GPR158: variants seen among roughly 807,000 people sequenced by gnomAD.
GPR158 encodes the protein G protein-coupled receptor 158, also known as metabotropic glycine receptor.
A neutral mutation model predicts 78.2 loss-of-function variants in GPR158; 30 were observed. The ratio of observed to expected loss-of-function variants is 0.38; its 90% confidence interval spans 0.29 to 0.52. GPR158 has a LOEUF of 0.52. Ranked by LOEUF, GPR158 falls within the 20% of genes least tolerant of loss-of-function variation. The pLI, the probability that GPR158 is intolerant of heterozygous loss-of-function variation, is 0.83. For missense variants in GPR158, 1,463 were observed against 1,523.5 expected, an observed-to-expected ratio of 0.96 and a Z score of 0.66; for synonymous variants, 581 against 591.1, an observed-to-expected ratio of 0.98 and a Z score of 0.25.
chr10:25,550,279 T>C (rs746050536), intron 5 of GPR158, among the ~76,000 whole-genome samples: 19 of 152,194 alleles, frequency 1.2e-4, no homozygotes, highest in Admixed American at 5.9e-4. Context: ...CAGCAGCACC[T>C]AGCACAGTGC....
chr10:25,348,906 C>G (rs562579103), intron 2 of GPR158, among the ~76,000 whole-genome samples: 29 of 152,054 alleles, frequency 1.9e-4, no homozygotes, highest in African/African-American at 7.0e-4. Flanking sequence ...TACTTTGGAG[C>G]CTAAAGAAAA....
intron 5 of GPR158, among the ~76,000 whole-genome samples, chr10:25,497,063 T>C (rs894040519): frequency 6.6e-6 from 1 of 152,102 alleles, no homozygotes; most frequent in Non-Finnish European, 1.5e-5. Context: ...TAAAATGGTG[T>C]GCATTAAGAG....
At chr10:25,316,948 T>TAC (rs1042162042) in intron 2 of GPR158, among the ~76,000 whole-genome samples, 16 of 150,840 alleles carry the variant, frequency 1.1e-4, no homozygotes, top group East Asian at 1.9e-4. Context: ...TATATATATA[T>TAC]ACACTCTTCC....
chr10:25,236,527 A>T (rs895222093), intron 2 of GPR158, among the ~76,000 whole-genome samples: 7 of 152,196 alleles, frequency 4.6e-5, no homozygotes, highest in Admixed American at 2.0e-4. Flanking sequence ...AAAAAATAAA[A>T]AAATAAATTT....
intron 2 of GPR158, among the ~76,000 whole-genome samples, chr10:25,387,186 G>A (rs555334251): frequency 6.6e-6 from 1 of 152,026 alleles, no homozygotes; most frequent in Admixed American, 6.6e-5. Flanking sequence ...ATCATAAAAG[G>A]GTGTTGCATT....
At chr10:25,396,500 T>A (rs1354792623) in intron 3 of GPR158, among the ~76,000 whole-genome samples, 1 of 152,092 alleles carries the variant, frequency 6.6e-6, no homozygotes, top group Non-Finnish European at 1.5e-5. Context: ...GTTTCACCAC[T>A]CTAAAATCAA....
intron 2 of GPR158, among the ~76,000 whole-genome samples, chr10:25,225,205 A>G (rs1188524719): frequency 7.7e-6 from 1 of 130,562 alleles, no homozygotes; most frequent in Non-Finnish European, 1.5e-5. Flanking sequence ...TTTTGTATAA[A>G]GCAATGTATA....
intron 6 of GPR158, 131 bp from the exon 7 acceptor site, chr10:25,572,518 T>C: frequency 1.4e-6 from 1 of 721,590 alleles, no homozygotes; most frequent in Non-Finnish European, 2.5e-6. Context: ...CAAAAACAAA[T>C]ACAAAACAAA....
chr10:25,486,301 G>A (rs1202779124), intron 5 of GPR158, among the ~76,000 whole-genome samples: 3 of 152,134 alleles, frequency 2.0e-5, no homozygotes, highest in South Asian at 4.2e-4. Context: ...TTACTTATCT[G>A]AACAATCTTG....
chr10:25,285,865 T>C (rs1184260930), intron 2 of GPR158, among the ~76,000 whole-genome samples: 1 of 152,160 alleles, frequency 6.6e-6, no homozygotes, highest in Non-Finnish European at 1.5e-5. Flanking sequence ...AGTCTTAGAT[T>C]CTCCTTTAAT....
intron 2 of GPR158, among the ~76,000 whole-genome samples, chr10:25,303,257 G>A (rs1212089346): frequency 5.3e-5 from 8 of 152,130 alleles, no homozygotes; most frequent in Non-Finnish European, 1.0e-4. Context: ...AGCTGCACTA[G>A]CCACATTTCA....
intron 1 of GPR158, among the ~76,000 whole-genome samples, 153 bp from the exon 2 acceptor site, chr10:25,220,899 G>GTCTTC (rs1463713375): frequency 6.6e-6 from 1 of 152,158 alleles, no homozygotes; most frequent in African/African-American, 2.4e-5. Context: ...TATACTGTGT[G>GTCTTC]TCTTCTCTTG....
intron 2 of GPR158, among the ~76,000 whole-genome samples, chr10:25,258,102 T>C (rs1020207562): frequency 6.6e-6 from 1 of 152,154 alleles, no homozygotes; most frequent in Non-Finnish European, 1.5e-5. Context: ...AACTACCAGA[T>C]AACTTCACTT....
At chr10:25,210,440 T>G (rs1422016487) in intron 1 of GPR158, among the ~76,000 whole-genome samples, 1 of 152,200 alleles carries the variant, frequency 6.6e-6, no homozygotes, top group Non-Finnish European at 1.5e-5. Flanking sequence ...CTAAATATTG[T>G]AAGATTACTT....
chr10:25,600,447 G>A lies in GPR158; in HGVS notation c.*1173G>A, dbSNP rs1286757579. ...AGTTTGCCTTTCAAAAAAAAACACAGGTAGCTCCTGATAGCACTTTCAAGG... is the reference window on the plus strand; with the variant it reads ...AGTTTGCCTTTCAAAAAAAAACACAAGTAGCTCCTGATAGCACTTTCAAGG... On this transcript the variant is annotated 3_prime_UTR_variant, in exon 11 of 11. Coordinates refer to ENST00000376351, the MANE Select transcript of GPR158 (RefSeq NM_020752.3). 6.6e-6 allele frequency: 1 copy of A among 152,092 alleles called. No homozygotes were observed. The highest frequency in any genetic ancestry group is 6.6e-5 in the Admixed American group (1 of 15,256). 9.4% of individuals were successfully genotyped at this position (152,092 alleles called of 1,614,324 possible).
At chr10:25,442,824 C>T (rs1835086108) in intron 4 of GPR158, among the ~76,000 whole-genome samples, 1 of 152,128 alleles carries the variant, frequency 6.6e-6, no homozygotes, top group African/African-American at 2.4e-5. Context: ...AAGATACTGT[C>T]ATTTCTTCCA....
chr10:25,266,296 G>T (rs796083490), intron 2 of GPR158, among the ~76,000 whole-genome samples: 17 of 152,286 alleles, frequency 1.1e-4, no homozygotes, highest in African/African-American at 3.8e-4. Context: ...CATGAGGGTA[G>T]TCCTTTGTGT....
At chr10:25,577,834 T>C (rs974838346) in intron 7 of GPR158, among the ~76,000 whole-genome samples, 11 of 151,922 alleles carry the variant, frequency 7.2e-5, no homozygotes, top group Admixed American at 2.0e-4. Flanking sequence ...TAATTTTCAA[T>C]CATTTTGTTA....
chr10:25,373,708 T>C (rs1159350541), intron 2 of GPR158, among the ~76,000 whole-genome samples: 1 of 151,942 alleles, frequency 6.6e-6, no homozygotes, highest in Non-Finnish European at 1.5e-5. Flanking sequence ...GTAAATATGT[T>C]ACTTAGTTTC....
Sources: allele counts gnomAD v4.1 joint callset (sites outside exome capture counted in the v4.1 genomes callset), GRCh38; gene constraint gnomAD v4.1.1; transcripts MANE v1.5; gene names NCBI Gene and HGNC (gene_info 2026-07-23, HGNC 2026-07-21).